Variants in ZEB2 observed in about 807,000 individuals in gnomAD.
The protein encoded by ZEB2 is zinc finger E-box-binding homeobox 2.
ZEB2 carries 6 observed loss-of-function variants against 99.9 expected under a neutral mutation model. The ratio of observed to expected loss-of-function variants is 0.06; its 90% CI spans 0.03 to 0.12. The LOEUF (loss-of-function observed/expected upper bound fraction) is 0.12, where lower values mean the gene tolerates loss of function less well. Among genes scored for constraint, ZEB2 ranks in the 10% least tolerant of loss-of-function variants. The probability of loss-of-function intolerance (pLI) is 1.00; values close to 1 mark genes in which losing one functional copy is unlikely to be tolerated. For synonymous variants in ZEB2, 517 were observed against 542.5 expected, an observed-to-expected ratio of 0.95 and a Z score of 0.65; for missense variants, 969 against 1,502.8, an observed-to-expected ratio of 0.64 and a Z score of 5.87.
chr2:144,406,859 C>T (rs1340009934), intron 4 of ZEB2, among the ~76,000 whole-genome samples: 2 of 152,144 alleles, frequency 1.3e-5, no homozygotes, highest in African/African-American at 4.8e-5. Flanking sequence ...TAGGAGGTTC[C>T]TGTCCTAGGC....
chr2:144,513,948 G>T (rs905688295), intron 2 of ZEB2: 2 of 1,432,540 alleles, frequency 1.4e-6, no homozygotes, highest in East Asian at 5.1e-5. Context: ...ACACATTCTT[G>T]TCTGCGGGCA....
rs1456407161 is a variant in ZEB2 at position 144,475,496 on chromosome 2, A to G, written c.73+41782T>C. Among the ~76,000 whole-genome samples, 3 of 152,262 alleles carry G rather than the reference A, an allele frequency of 2.0e-5. No individual in the cohort carries two copies. In the East Asian group the frequency reaches 5.8e-4, roughly 29 times the overall value. ...TATATACATATACATATGTGCGTGT[A>G]TATATATATGTATGTATATATGTCA... is the stretch of plus-strand genomic sequence containing the variant. On this transcript the variant is annotated intron_variant, in intron 2 of 9. Transcript: ENST00000627532.
At chr2:144,419,410 G>C (rs527327760) in intron 4 of ZEB2, among the ~76,000 whole-genome samples, 13 of 152,186 alleles carry the variant, frequency 8.5e-5, no homozygotes, top group African/African-American at 3.1e-4. Flanking sequence ...AGATGCAGGT[G>C]GTTATTAATA....
intron 2 of ZEB2, among the ~76,000 whole-genome samples, chr2:144,505,395 T>C (rs1321562138): frequency 1.3e-5 from 2 of 152,198 alleles, no homozygotes; most frequent in Non-Finnish European, 2.9e-5. Flanking sequence ...GTTTAGAAGC[T>C]CAGTCCAGTT....
chr2:144,384,887 G>A lies in ZEB2; in HGVS notation c.*4564C>T, dbSNP rs1340416630. 4.6e-5 allele frequency: 7 copies of A among 151,980 alleles called. No homozygotes were observed. The highest frequency in any genetic ancestry group is 1.0e-4 in the Non-Finnish European group (7 of 67,996). The allele number at this position is 151,980 out of a possible 1,614,324, so 9.4% of individuals were successfully genotyped here. A position where few individuals can be genotyped will look rare whatever the true frequency, so the allele number is the denominator to read the frequency against. On this transcript the variant is annotated 3_prime_UTR_variant, in exon 10 of 10. Transcript: ENST00000627532. ...TGTATTTTCTTCATCTTTGTTACACGATGCATATTTCAGTGACTAAAAGCC... is the reference window on the plus strand; with the variant it reads ...TGTATTTTCTTCATCTTTGTTACACAATGCATATTTCAGTGACTAAAAGCC...
At chr2:144,416,313 T>C (rs1703539661) in intron 4 of ZEB2, among the ~76,000 whole-genome samples, 1 of 152,204 alleles carries the variant, frequency 6.6e-6, no homozygotes, top group East Asian at 1.9e-4. Context: ...TGAACTACGA[T>C]CCAGTCCAAT....
chr2:144,486,189 C>A (rs1038373795), intron 2 of ZEB2, among the ~76,000 whole-genome samples: 1 of 152,106 alleles, frequency 6.6e-6, no homozygotes, highest in Non-Finnish European at 1.5e-5. Flanking sequence ...AGCACTCTTG[C>A]AAACAAAAAC....
Position 144,389,072 on chromosome 2 carries a change from G to T in ZEB2, c.*379C>A, listed in dbSNP as rs1406257062. 3 of 483,930 alleles carry T rather than the reference G, an allele frequency of 6.2e-6. No individual in the cohort carries two copies. The highest frequency in any genetic ancestry group is 1.1e-5 in the Non-Finnish European group (3 of 275,598). 30.0% of individuals were successfully genotyped at this position (483,930 alleles called of 1,614,324 possible). A position where few individuals can be genotyped will look rare whatever the true frequency, so the allele number is the denominator to read the frequency against. On this transcript the variant is annotated 3_prime_UTR_variant, in exon 10 of 10. Coordinates refer to ENST00000627532, the MANE Select transcript of ZEB2 (RefSeq NM_014795.4). This position sits in a 1 kb window ranked among gnomAD's most constrained non-coding sequence, Gnocchi z 6.8. ...AATAAAAATACTGATGTATGGTAGT[G>T]CGGGCACCTTTTTAAAATGTATTAA... is the stretch of plus-strand genomic sequence containing the variant.
intron 3 of ZEB2, among the ~76,000 whole-genome samples, chr2:144,426,016 C>G (rs1445984693): frequency 6.6e-6 from 1 of 152,006 alleles, no homozygotes; most frequent in East Asian, 1.9e-4. Context: ...ATTTTACAAG[C>G]AGTGCAGCAA....
At position 144,388,124 on chromosome 2, in the gene ZEB2, G is replaced by T. The variant is rs1356778443; in HGVS notation, c.*1327C>A. 6.6e-6 allele frequency: 1 copy of T among 152,362 alleles called. No individual in the cohort carries two copies. The highest frequency in any genetic ancestry group is 1.5e-5 in the Non-Finnish European group (1 of 67,958). 9.4% of individuals were successfully genotyped at this position (152,362 alleles called of 1,614,324 possible). On this transcript the variant is annotated 3_prime_UTR_variant, in exon 10 of 10. Coordinates refer to ENST00000627532, the MANE Select transcript of ZEB2 (RefSeq NM_014795.4). This position sits in a 1 kb window ranked among gnomAD's most constrained non-coding sequence, Gnocchi z 5.4. The stretch of plus-strand genomic sequence containing the variant: ...CAATTCAGGAAAGATTTTTGTCATG[G>T]TATCATACATTGTATTTAACAGTCC...
chr2:144,500,076 T>C (rs1704847052), intron 2 of ZEB2, among the ~76,000 whole-genome samples: 1 of 152,208 alleles, frequency 6.6e-6, no homozygotes, highest in African/African-American at 2.4e-5. Flanking sequence ...AAGGCAATTG[T>C]GCATTTGCAC....
intron 2 of ZEB2, among the ~76,000 whole-genome samples, chr2:144,433,597 A>G (rs1403141663): frequency 6.6e-6 from 1 of 152,186 alleles, no homozygotes; most frequent in Non-Finnish European, 1.5e-5. Context: ...GCCTGGAAAG[A>G]TATATCTGCA....
At chr2:144,440,516 T>TACATA (rs1491431111) in intron 2 of ZEB2, among the ~76,000 whole-genome samples, 34 of 10,032 alleles carry the variant, frequency 3.4e-3, no homozygotes, top group Admixed American at 7.4e-3. Context: ...TATATATATA[T>TACATA]TTTTTTTTTT....
intron 2 of ZEB2, among the ~76,000 whole-genome samples, chr2:144,469,331 A>G (rs931518542): frequency 1.2e-4 from 18 of 152,154 alleles, no homozygotes; most frequent in African/African-American, 4.1e-4. Flanking sequence ...TCTCCTGGTC[A>G]CGGCCAATTC....
At chr2:144,470,844 C>T (rs1301930532) in intron 2 of ZEB2, among the ~76,000 whole-genome samples, 1 of 152,102 alleles carries the variant, frequency 6.6e-6, no homozygotes, top group East Asian at 1.9e-4. Flanking sequence ...GGCTCTCTTT[C>T]TTTGTTGCCA....
chr2:144,473,982 G>A (rs1704395853), intron 2 of ZEB2, among the ~76,000 whole-genome samples: 1 of 152,154 alleles, frequency 6.6e-6, no homozygotes, highest in Admixed American at 6.5e-5. Context: ...GTTTCTAGGA[G>A]AGCAGAGTTT....
At chr2:144,506,471 C>T (rs1205868300) in intron 2 of ZEB2, among the ~76,000 whole-genome samples, 2 of 152,156 alleles carry the variant, frequency 1.3e-5, no homozygotes, top group Non-Finnish European at 2.9e-5. Flanking sequence ...ATAAACCTCA[C>T]CTCTTAAAAC....
chr2:144,441,164 CGAGAGAGAGAGAGAGAGAGAGAGAGAGA>C (rs113731061), intron 2 of ZEB2, among the ~76,000 whole-genome samples: 1 of 88,852 alleles, frequency 1.1e-5, no homozygotes, highest in African/African-American at 4.5e-5. Flanking sequence ...TTTAGCTGCA[CGAGAGAGAGAGAGAGAGAGAGAGAGAGA>C]GAGAGAGAGA....
At chr2:144,445,658 G>A (rs979381995) in intron 2 of ZEB2, among the ~76,000 whole-genome samples, 2 of 151,080 alleles carry the variant, frequency 1.3e-5, no homozygotes, top group Non-Finnish European at 2.9e-5. Context: ...CCCTAACTGA[G>A]ACGCAACAAT....
Sources: gnomAD v4.1 joint callset for allele counts (sites outside exome capture counted in the v4.1 genomes callset) on GRCh38, gnomAD v4.1.1 for gene constraint, Gnocchi (gnomAD v3.1) non-coding constraint, MANE v1.5 for transcripts, NCBI Gene and HGNC (gene_info 2026-07-23, HGNC 2026-07-21) for gene names.